Variants in GMPPA observed in about 807,000 individuals in gnomAD.
The protein encoded by GMPPA is GDP-mannose pyrophosphorylase A, also known as mannose-1-phosphate guanylyltransferase regulatory subunit alpha.
Under a neutral mutation model 58.6 loss-of-function variants are expected in GMPPA, and 46 were observed. That is an observed-to-expected ratio of 0.78 (90% CI 0.62 to 1.00). The LOEUF (loss-of-function observed/expected upper bound fraction) is 1.00, where lower values mean the gene tolerates loss of function less well. GMPPA is among the 50% of genes least tolerant of loss of function. The pLI, the probability that GMPPA is intolerant of heterozygous loss-of-function variation, is 0.00. For synonymous variants in GMPPA, 211 were observed against 214.9 expected (o/e 0.98, Z 0.16); for missense variants, 468 against 556.4 (o/e 0.84, Z 1.60).
In GMPPA at chr2:219,506,324, G is replaced by T. The variant is rs1401645771; in HGVS notation, c.1064G>T (p.Gly355Val). The stretch of plus-strand genomic sequence containing the variant: ...GTGGGACGCTGGGCCCGCGTGGAGG[G>T]TACCCCCAGTGACCCTAACCCCAAC... ...STVGRWARVE[G>V]TPSDPNPNDP... Residue 355 changes from glycine (G) to valine (V), a missense_variant, in exon 12 of 13, where the codon GGT becomes GTT. Coordinates refer to ENST00000313597, the MANE Select transcript of GMPPA (RefSeq NM_013335.4). 1 of 1,613,874 alleles carries T rather than the reference G, an allele frequency of 6.2e-7. No homozygotes were observed. The highest frequency in any genetic ancestry group is 8.5e-7 in the Non-Finnish European group (1 of 1,179,946).
intron 6 of GMPPA, among the ~76,000 whole-genome samples, chr2:219,503,306 G>A (rs1346893670): frequency 6.6e-6 from 1 of 151,958 alleles, no homozygotes; most frequent in African/African-American, 2.4e-5. Flanking sequence ...TGTATTTTTA[G>A]TAGAGACAGG....
Position 219,501,837 on chromosome 2 carries a change from G to A in GMPPA, c.243-14G>A. Reference sequence around the variant, plus strand: ...TAAGATCCACTGAGCTGGCTCTCGGGTCCCTGGGGACAGGTACCTGCAGGA... The same window carrying A: ...TAAGATCCACTGAGCTGGCTCTCGGATCCCTGGGGACAGGTACCTGCAGGA... On this transcript the variant is annotated splice_polypyrimidine_tract_variant and intron_variant, in intron 4 of 12. Coordinates refer to ENST00000313597, the MANE Select transcript of GMPPA (RefSeq NM_013335.4). The A allele has an allele frequency of 6.2e-7, 1 of 1,612,884 alleles. No homozygotes were observed. Among genetic ancestry groups the A allele is most frequent in the Non-Finnish European group, 8.5e-7 (1 of 1,179,016 alleles).
intron 6 of GMPPA, among the ~76,000 whole-genome samples, chr2:219,503,418 A>G (rs1694467672): frequency 6.6e-6 from 1 of 152,164 alleles, no homozygotes. Context: ...AGCCACCACC[A>G]TACCTGGCGT....
At chr2:219,504,280 C>T (rs1467489560) in intron 7 of GMPPA, 67 bp downstream of exon 7, 1 of 1,464,910 alleles carries the variant, frequency 6.8e-7, no homozygotes, top group South Asian at 1.2e-5. Flanking sequence ...ACATACCAGT[C>T]TCTGCAGGCT....
chr2:219,502,469 T>G lies in GMPPA; in HGVS notation c.489+28T>G, dbSNP rs535323948. 6.3e-7 allele frequency: 1 copy of G among 1,584,672 alleles called. No homozygotes were observed. Among genetic ancestry groups the G allele is most frequent in the African/African-American group, 1.3e-5 (1 of 74,316 alleles). On this transcript the variant is annotated intron_variant, in intron 6 of 12. Coordinates refer to ENST00000313597, the MANE Select transcript of GMPPA (RefSeq NM_013335.4). The surrounding 1 kb of genome is among the most constrained non-coding windows in gnomAD (Gnocchi z 4.0). ...GAGAGCAGAGTGGGGGCTGGGTGGG[T>G]GCCTACTCTGTGTCATCATCCCCTC... is the stretch of plus-strand genomic sequence containing the variant.
Position 219,500,173 on chromosome 2 carries a change from G to A in GMPPA, c.93G>A (p.Val31=), listed in dbSNP as rs1321081499. Residue 31 remains valine (V), a synonymous_variant, in exon 3 of 13, where the codon GTG becomes GTA. Coordinates refer to ENST00000313597, the MANE Select transcript of GMPPA (RefSeq NM_013335.4). ...SFEVPKPLFP[V]AGVPMIQHHI... Reference sequence around the variant, plus strand: ...AGGTGCCCAAACCATTGTTTCCTGTGGCAGGGGTCCCTATGATCCAACACC... The same window carrying A: ...AGGTGCCCAAACCATTGTTTCCTGTAGCAGGGGTCCCTATGATCCAACACC... 2 of 1,590,900 alleles carry A rather than the reference G, an allele frequency of 1.3e-6. No individual in the cohort carries two copies. Among genetic ancestry groups the A allele is most frequent in the Non-Finnish European group, 8.6e-7 (1 of 1,166,450 alleles).
At chr2:219,505,190 G>A (rs745366419) in intron 7 of GMPPA, 38 bp from the exon 8 acceptor site, 3 of 1,607,228 alleles carry the variant, frequency 1.9e-6, no homozygotes, top group African/African-American at 2.7e-5. Context: ...TCGGGGCTCA[G>A]CTGGGGGACT....
Position 219,501,949 on chromosome 2 carries a change from A to G in GMPPA, c.341A>G (p.Asn114Ser), listed in dbSNP as rs779909339. 2 of 1,614,146 alleles carry G rather than the reference A, an allele frequency of 1.2e-6. No individual in the cohort carries two copies. Among genetic ancestry groups the G allele is most frequent in the Non-Finnish European group, 1.7e-6 (2 of 1,180,012 alleles). ...AGSPEAFFVL[N>S]ADVCSDFPLS... ...AGCCCCGAGGCATTCTTCGTGCTCA[A>G]TGCTGATGTCTGCTCCGACTTCCCC... The change falls in exon 5 of 13, where the codon AAT becomes AGT. Residue 114 changes from asparagine (N) to serine (S), a missense_variant. Transcript: ENST00000313597.
intron 3 of GMPPA, chr2:219,500,673 T>C (rs1425084080): frequency 5.0e-6 from 1 of 201,326 alleles, no homozygotes; most frequent in Non-Finnish European, 1.0e-5. Context: ...TCAGTTTCCT[T>C]ATGTGTAAAA....
At position 219,499,971 on chromosome 2, in the gene GMPPA, C is replaced by G. The variant is rs753389053; in HGVS notation, c.-5C>G. On this transcript the variant is annotated 5_prime_UTR_variant, in exon 2 of 13. Coordinates refer to ENST00000313597, the MANE Select transcript of GMPPA (RefSeq NM_013335.4). ...GAATTTGAAGTTTAGGTAGCAGTCA[C>G]CATTATGCTCAAAGCGGTGATCCTG... 4.6e-5 allele frequency: 74 copies of G among 1,613,232 alleles called. No homozygotes were observed. The South Asian group carries it at 6.4e-4, about 14-fold the overall frequency.
Position 219,501,929 on chromosome 2 carries a change from C to G in GMPPA, c.321C>G (p.Pro107=). 6.2e-7 allele frequency: 1 copy of G among 1,614,112 alleles called. No homozygotes were observed. Among genetic ancestry groups the G allele is most frequent in the Non-Finnish European group, 8.5e-7 (1 of 1,180,000 alleles). The change falls in exon 5 of 13, where the codon CCC becomes CCG. Residue 107 remains proline (P), a synonymous_variant. Transcript: ENST00000313597. ...HFRDQILAGS[P]EAFFVLNADV... is the part of the protein sequence containing the mutation. Reference sequence around the variant, plus strand: ...GAGACCAGATCCTGGCTGGGAGCCCCGAGGCATTCTTCGTGCTCAATGCTG... The same window carrying G: ...GAGACCAGATCCTGGCTGGGAGCCCGGAGGCATTCTTCGTGCTCAATGCTG...
chr2:219,505,031 C>G lies in GMPPA; in HGVS notation c.621-197C>G, dbSNP rs191075176. 1.2e-5 allele frequency: 10 copies of G among 846,776 alleles called. No homozygotes were observed. In the Admixed American group the frequency reaches 3.0e-4, roughly 25 times the overall value. 52.5% of individuals were successfully genotyped at this position (846,776 alleles called of 1,614,324 possible). A position where few individuals can be genotyped will look rare whatever the true frequency, so the allele number is the denominator to read the frequency against. The stretch of plus-strand genomic sequence containing the variant: ...GCCTGGGGCTCCCTTGTGATAGCAC[C>G]CACCCAAGTGGGGGCTGGGTGGGAG... On this transcript the variant is annotated intron_variant, in intron 7 of 12. Transcript: ENST00000313597.
Position 219,503,211 on chromosome 2 carries a change from C to T in GMPPA, c.489+770C>T, listed in dbSNP as rs192804406. Reference sequence around the variant, plus strand: ...GCAGTGGTGCGATCTTGGCTCACTGCAGCCTCTGCCTCCTGGGTTCATGCC... The same window carrying T: ...GCAGTGGTGCGATCTTGGCTCACTGTAGCCTCTGCCTCCTGGGTTCATGCC... On this transcript the variant is annotated intron_variant, in intron 6 of 12. Coordinates refer to ENST00000313597, the MANE Select transcript of GMPPA (RefSeq NM_013335.4). Among the ~76,000 whole-genome samples the T allele has an allele frequency of 1.7e-3, 264 of 151,938 alleles. 1 individual carries two copies. Among genetic ancestry groups the T allele is most frequent in the African/African-American group, 6.0e-3 (247 of 41,400 alleles).
chr2:219,502,289 T>A lies in GMPPA; in HGVS notation c.430-93T>A. ...AAGGCCTGTCAGTGGCAGAGCTGCA[T>A]GCCAGGTGCTGTAGCGGAGGGAAAG... On this transcript the variant is annotated intron_variant, in intron 5 of 12. Coordinates refer to ENST00000313597, the MANE Select transcript of GMPPA (RefSeq NM_013335.4). The surrounding 1 kb of genome is among the most constrained non-coding windows in gnomAD (Gnocchi z 4.0). 1 of 1,126,512 alleles carries A rather than the reference T, an allele frequency of 8.9e-7. No individual in the cohort carries two copies. Among genetic ancestry groups the A allele is most frequent in the Non-Finnish European group, 1.3e-6 (1 of 745,068 alleles). The allele number at this position is 1,126,512 out of a possible 1,614,324, so 69.8% of individuals were successfully genotyped here.
rs775944529 is a variant in GMPPA, at chr2:219,502,366, T to C, written c.430-16T>C. ...GGAGCAGGCGGGTCACTGTCTCGGGTGTGTCTGTCTTTCAGGCTAACAGGA... is the reference window on the plus strand; with the variant it reads ...GGAGCAGGCGGGTCACTGTCTCGGGCGTGTCTGTCTTTCAGGCTAACAGGA... On this transcript the variant is annotated splice_polypyrimidine_tract_variant and intron_variant, in intron 5 of 12. Coordinates refer to ENST00000313597, the MANE Select transcript of GMPPA (RefSeq NM_013335.4). This position sits in a 1 kb window ranked among gnomAD's most constrained non-coding sequence, Gnocchi z 4.0. The C allele has an allele frequency of 6.2e-7, 1 of 1,609,548 alleles. No individual in the cohort carries two copies. Among genetic ancestry groups the C allele is most frequent in the Non-Finnish European group, 8.5e-7 (1 of 1,177,126 alleles).
rs1162321308 is a variant in GMPPA at position 219,502,345 on chromosome 2, C to T, written c.430-37C>T. 2.5e-6 allele frequency: 4 copies of T among 1,584,942 alleles called. No homozygotes were observed. The highest frequency in any genetic ancestry group is 2.7e-5 in the African/African-American group (2 of 74,470). On this transcript the variant is annotated intron_variant, in intron 5 of 12. Transcript: ENST00000313597. This position sits in a 1 kb window ranked among gnomAD's most constrained non-coding sequence, Gnocchi z 4.0. ...AAAAACAGACGTGGCTGCCCTGGAGCAGGCGGGTCACTGTCTCGGGTGTGT... is the reference window on the plus strand; with the variant it reads ...AAAAACAGACGTGGCTGCCCTGGAGTAGGCGGGTCACTGTCTCGGGTGTGT...
rs548410697 is a variant in GMPPA, at chr2:219,506,684, C to T, written c.1163-14C>T. The T allele has an allele frequency of 1.3e-6, 2 of 1,492,086 alleles. No individual in the cohort carries two copies. Among genetic ancestry groups the T allele is most frequent in the East Asian group, 2.3e-5 (1 of 44,270 alleles). The allele number at this position is 1,492,086 out of a possible 1,614,324, so 92.4% of individuals were successfully genotyped here. On this transcript the variant is annotated splice_polypyrimidine_tract_variant and intron_variant, in intron 12 of 12. Coordinates refer to ENST00000313597, the MANE Select transcript of GMPPA (RefSeq NM_013335.4). ...CTCCCATGACCTCCCCTGGTGCCCT[C>T]ATCCATGCTGCAGGCTGCCGAGTCC... is the stretch of plus-strand genomic sequence containing the variant.
intron 6 of GMPPA, among the ~76,000 whole-genome samples, chr2:219,503,852 T>A (rs951809131): frequency 6.6e-6 from 1 of 152,110 alleles, no homozygotes; most frequent in Non-Finnish European, 1.5e-5. Context: ...GTGGGGAGGA[T>A]CAGGCAGGGA....
rs1694600168 is a variant in GMPPA, at chr2:219,506,530, C to G, written c.1162+108C>G. The G allele has an allele frequency of 1.2e-5, 15 of 1,213,680 alleles. No individual in the cohort carries two copies. In the South Asian group the frequency reaches 2.0e-4, roughly 16 times the overall value. The allele number at this position is 1,213,680 out of a possible 1,614,324, so 75.2% of individuals were successfully genotyped here. ...CACGCGTGTTTCTTCTTTTAGCAAA[C>G]AGTTACCAAGGGCCTGCTGTGTGCC... is the stretch of plus-strand genomic sequence containing the variant. On this transcript the variant is annotated intron_variant, in intron 12 of 12. Transcript: ENST00000313597.
Sources: allele counts gnomAD v4.1 joint callset (sites outside exome capture counted in the v4.1 genomes callset), GRCh38; gene constraint gnomAD v4.1.1; non-coding constraint Gnocchi (gnomAD v3.1); transcripts MANE v1.5; gene names NCBI Gene and HGNC (gene_info 2026-07-23, HGNC 2026-07-21).